TGFBRAP1: variants seen among roughly 807,000 people sequenced by gnomAD.
TGFBRAP1 encodes transforming growth factor beta receptor associated protein 1.
A neutral mutation model predicts 83.2 loss-of-function variants in TGFBRAP1; 20 were observed. That is an observed-to-expected ratio of 0.24 (90% confidence interval 0.17 to 0.35). The LOEUF (loss-of-function observed/expected upper bound fraction) is 0.35. TGFBRAP1 is among the 10% of genes least tolerant of loss of function. TGFBRAP1 has a pLI of 1.00. For synonymous variants in TGFBRAP1, 415 were observed against 459.8 expected (o/e 0.90, Z 1.25); for missense variants, 950 against 1,099.4 (o/e 0.86, Z 1.92).
rs532997651 is a variant in TGFBRAP1, at chr2:105,326,022, T to TA, written c.-18+3602dup. 2.8e-4 allele frequency among the ~76,000 whole-genome samples: 42 copies of TA among 152,134 alleles called. No individual in the cohort carries two copies. The South Asian group carries it at 7.3e-3, about 26-fold the overall frequency. Reference sequence around the variant, plus strand: ...TGCTCTGATAATCTGCAAGAGTATCTAAAAAAAGAGGATTAAAAAAAGACA... The same window carrying TA: ...TGCTCTGATAATCTGCAAGAGTATCTAAAAAAAAGAGGATTAAAAAAAGACA... On this transcript the variant is annotated intron_variant, in intron 1 of 11. Transcript: ENST00000393359.
At chr2:105,302,318 C>T (rs1162562763) in intron 2 of TGFBRAP1, among the ~76,000 whole-genome samples, 1 of 152,082 alleles carries the variant, frequency 6.6e-6, no homozygotes, top group Non-Finnish European at 1.5e-5. Context: ...TTTGACTCTG[C>T]TATCTCATCT....
At chr2:105,280,805 G>T in intron 5 of TGFBRAP1, 82 bp from the exon 6 acceptor site, 1 of 1,394,740 alleles carries the variant, frequency 7.2e-7, no homozygotes, top group Non-Finnish European at 9.7e-7. Context: ...GGAGGGGAGC[G>T]CACGGTGGCA....
chr2:105,307,669 C>T lies in TGFBRAP1; in HGVS notation c.633G>A (p.Pro211=), dbSNP rs773389653. 27 of 1,614,086 alleles carry T rather than the reference C, an allele frequency of 1.7e-5. No homozygotes were observed. The highest frequency in any genetic ancestry group is 4.0e-5 in the African/African-American group (3 of 75,042). The change falls in exon 2 of 12, where the codon CCG becomes CCA. Residue 211 remains proline (P), a synonymous_variant. Coordinates refer to ENST00000393359, the MANE Select transcript of TGFBRAP1 (RefSeq NM_004257.6). ...CCTGTCTCCCTATCCTCTTGACGATCGGCGGCCTCTCCTCACTGCAGTAGG... is the reference window on the plus strand; with the variant it reads ...CCTGTCTCCCTATCCTCTTGACGATTGGCGGCCTCTCCTCACTGCAGTAGG... ...LFPYCSEERP[P]IVKRIGRQEF... is the part of the protein sequence containing the mutation.
chr2:105,320,339 T>C (rs1679018224), intron 1 of TGFBRAP1, among the ~76,000 whole-genome samples: 1 of 152,186 alleles, frequency 6.6e-6, no homozygotes, highest in Non-Finnish European at 1.5e-5. Flanking sequence ...TATCTGCATT[T>C]TAAAAAGGAC....
At chr2:105,295,823 A>G (rs1343974322) in intron 4 of TGFBRAP1, among the ~76,000 whole-genome samples, 1 of 151,882 alleles carries the variant, frequency 6.6e-6, no homozygotes, top group African/African-American at 2.4e-5. Context: ...AAAAAAAAAA[A>G]AAAAAAAAAG....
chr2:105,272,833 A>G, intron 10 of TGFBRAP1, 22 bp downstream of exon 10: 1 of 1,603,980 alleles, frequency 6.2e-7, no homozygotes, highest in African/African-American at 1.3e-5. Context: ...CCAAAGGGAG[A>G]CAATACTGAG....
rs1159071882 is a variant in TGFBRAP1, at chr2:105,269,366, A to C, written c.2312T>G (p.Met771Arg). The change falls in exon 11 of 12, where the codon ATG (methionine) becomes AGG (arginine). Residue 771 changes from methionine to arginine, a missense_variant. Coordinates refer to ENST00000393359, the MANE Select transcript of TGFBRAP1 (RefSeq NM_004257.6). The surrounding 1 kb of genome is among the most constrained non-coding windows in gnomAD (Gnocchi z 4.1). The part of the protein sequence containing the change: ...WSVQLLCPFL[M>R]GAMRDSIHAR... ...ATGGATGCTGTCCCTCATGGCCCCC[A>C]TCAGGAATGGGCAGAGGAGCTGCAC... is the stretch of plus-strand genomic sequence containing the variant. 6.2e-7 allele frequency: 1 copy of C among 1,614,004 alleles called. No individual in the cohort carries two copies. Among genetic ancestry groups the C allele is most frequent in the South Asian group, 1.1e-5 (1 of 91,072 alleles).
At position 105,272,911 on chromosome 2, in the gene TGFBRAP1, G is replaced by C. The variant is rs772581867; in HGVS notation, c.1916C>G (p.Ala639Gly). ...TTTCTGGAGCAGCCGCCGCAGCTTG[G>C]CCTGCGTCTCGGTGGCCTCTGCACC... ...GKGAEATETQ[A>G]KLRRLLQKSD... The change falls in exon 10 of 12, where the codon GCC becomes GGC. Residue 639 changes from alanine (A) to glycine (G), a missense_variant. Physicochemically the swap from Ala to Gly is moderately conservative, Grantham distance 60. Coordinates refer to ENST00000393359, the MANE Select transcript of TGFBRAP1 (RefSeq NM_004257.6). 30 of 1,610,466 alleles carry C rather than the reference G, an allele frequency of 1.9e-5. 1 individual carries two copies. The highest frequency in any genetic ancestry group is 1.8e-4 in the East Asian group (8 of 44,870).
At chr2:105,288,883 A>G (rs958944190) in intron 4 of TGFBRAP1, among the ~76,000 whole-genome samples, 3 of 152,222 alleles carry the variant, frequency 2.0e-5, no homozygotes, top group African/African-American at 7.2e-5. Flanking sequence ...CAATAAAAAT[A>G]TAATAATATA....
intron 2 of TGFBRAP1, among the ~76,000 whole-genome samples, chr2:105,304,959 G>A (rs191266664): frequency 1.8e-4 from 27 of 152,308 alleles, no homozygotes; most frequent in African/African-American, 6.0e-4. Flanking sequence ...AACAGGTGGA[G>A]CACAAAGGAC....
intron 1 of TGFBRAP1, among the ~76,000 whole-genome samples, chr2:105,326,140 G>A (rs997892782): frequency 6.6e-6 from 1 of 151,648 alleles, no homozygotes; most frequent in African/African-American, 2.4e-5. Context: ...TTTTTACTGG[G>A]CAATACTAAT....
chr2:105,288,171 A>C (rs183969469), intron 4 of TGFBRAP1, among the ~76,000 whole-genome samples: 10 of 152,374 alleles, frequency 6.6e-5, no homozygotes, highest in African/African-American at 1.9e-4. Flanking sequence ...TTTTTGAGAA[A>C]GATGACAACC....
At position 105,315,853 on chromosome 2, in the gene TGFBRAP1, C is replaced by T. The variant is rs1202118371; in HGVS notation, c.-17-7535G>A. Among the ~76,000 whole-genome samples, 8 of 152,116 alleles carry T rather than the reference C, an allele frequency of 5.3e-5. 1 individual carries two copies. Among genetic ancestry groups the T allele is most frequent in the Admixed American group, 4.6e-4 (7 of 15,270 alleles). On this transcript the variant is annotated intron_variant, in intron 1 of 11. Transcript: ENST00000393359. ...CACCATGTTTAATATTTCCATTTCTCTTGGGTATATATCTATATCCACAAA... is the reference window on the plus strand; with the variant it reads ...CACCATGTTTAATATTTCCATTTCTTTTGGGTATATATCTATATCCACAAA...
intron 1 of TGFBRAP1, among the ~76,000 whole-genome samples, chr2:105,314,751 C>G (rs907020993): frequency 6.6e-6 from 1 of 151,462 alleles, no homozygotes; most frequent in Non-Finnish European, 1.5e-5. Flanking sequence ...GAGTTCGAGA[C>G]CAGTCTAGCC....
At chr2:105,305,137 C>G (rs958666809) in intron 2 of TGFBRAP1, among the ~76,000 whole-genome samples, 4 of 152,154 alleles carry the variant, frequency 2.6e-5, no homozygotes, top group Non-Finnish European at 4.4e-5. Context: ...AGGAGGTCTA[C>G]AGGAACTCTC....
At chr2:105,258,422 T>C in the TGFBRAP1 span, among the ~76,000 whole-genome samples, 1 of 152,048 alleles carries the variant, frequency 6.6e-6, no homozygotes, top group East Asian at 1.9e-4. Context: ...CATCATCCAA[T>C]CCACTGAGGG....
chr2:105,282,424 G>T (rs540735740), intron 5 of TGFBRAP1, among the ~76,000 whole-genome samples: 1 of 152,208 alleles, frequency 6.6e-6, no homozygotes, highest in African/African-American at 2.4e-5. Flanking sequence ...GTCAGAGGAC[G>T]GGTCCAGTTC....
At chr2:105,320,903 C>G (rs1227949545) in intron 1 of TGFBRAP1, among the ~76,000 whole-genome samples, 1 of 152,120 alleles carries the variant, frequency 6.6e-6, no homozygotes, top group Admixed American at 6.5e-5. Context: ...GTGGTGGGAT[C>G]GAATTTAACA....
chr2:105,256,491 G>A, the TGFBRAP1 span, among the ~76,000 whole-genome samples: 1 of 152,124 alleles, frequency 6.6e-6, no homozygotes. Context: ...TGTTGTAACT[G>A]TCCCTGATTG....
Sources: allele counts gnomAD v4.1 joint callset (sites outside exome capture counted in the v4.1 genomes callset), GRCh38; gene constraint gnomAD v4.1.1; non-coding constraint Gnocchi (gnomAD v3.1); transcripts MANE v1.5; gene names NCBI Gene and HGNC (gene_info 2026-07-23, HGNC 2026-07-21).